The following CCL28 variants were observed in gnomAD, a reference collection of about 807,000 sequenced individuals.
The protein encoded by CCL28 is C-C motif chemokine 28.
A neutral mutation model predicts 7.1 loss-of-function variants in CCL28; 4 were observed. That is an observed-to-expected ratio of 0.56 (90% CI 0.28 to 1.29). CCL28 has a LOEUF of 1.29. Among genes scored for constraint, CCL28 ranks in the 50% most tolerant of loss-of-function variants. The pLI, the probability that CCL28 is intolerant of heterozygous loss-of-function variation, is 0.11. For missense variants in CCL28, 151 were observed against 163.4 expected, an observed-to-expected ratio of 0.92 and a Z score of 0.41; for synonymous variants, 55 against 57.8, an observed-to-expected ratio of 0.95 and a Z score of 0.22.
At chr5:43,387,679 G>C (rs1351359638) in intron 2 of CCL28, among the ~76,000 whole-genome samples, 1 of 152,180 alleles carries the variant, frequency 6.6e-6, no homozygotes, top group Non-Finnish European at 1.5e-5. Flanking sequence ...ACCCAGGTTG[G>C]AGTGCACTGG....
chr5:43,362,385 GGCCAAGACTATGGGGTTTTCTA>G, the CCL28 span, among the ~76,000 whole-genome samples: 1 of 151,920 alleles, frequency 6.6e-6, no homozygotes, highest in Non-Finnish European at 1.5e-5. Flanking sequence ...GAAGCTTTTG[GGCCAAGACTATGGGGTTTTCTA>G]GATATAGAAT....
At chr5:43,384,908 CTT>C (rs750994278) in intron 2 of CCL28, among the ~76,000 whole-genome samples, 17 of 143,284 alleles carry the variant, frequency 1.2e-4, no homozygotes, top group Admixed American at 1.4e-4. Context: ...ACATAAACAA[CTT>C]TTTTTTTTTT....
At chr5:43,358,908 C>A in the CCL28 span, among the ~76,000 whole-genome samples, 3 of 152,212 alleles carry the variant, frequency 2.0e-5, no homozygotes, top group Admixed American at 6.5e-5. Context: ...GCTTCACAGG[C>A]TGACTGTCCT....
At chr5:43,386,902 C>G (rs1021193688) in intron 2 of CCL28, among the ~76,000 whole-genome samples, 3 of 152,192 alleles carry the variant, frequency 2.0e-5, no homozygotes, top group Non-Finnish European at 4.4e-5. Context: ...AGACTCTAGG[C>G]AGACAGAACC....
intron 1 of CCL28, among the ~76,000 whole-genome samples, chr5:43,408,493 G>A (rs140145847): frequency 6.6e-6 from 1 of 152,216 alleles, no homozygotes; most frequent in African/African-American, 2.4e-5. Context: ...CTGTCGTAAG[G>A]TGGGGGGAGC....
At chr5:43,371,301 A>G in the CCL28 span, among the ~76,000 whole-genome samples, 1 of 152,112 alleles carries the variant, frequency 6.6e-6, no homozygotes, top group Admixed American at 6.5e-5. Flanking sequence ...CTTTATATTT[A>G]TAGAAACGTG....
chr5:43,394,489 T>G (rs1740718810), intron 1 of CCL28, among the ~76,000 whole-genome samples: 1 of 152,242 alleles, frequency 6.6e-6, no homozygotes. Flanking sequence ...AAGATCTTTA[T>G]GAAGAAAATG....
the CCL28 span, among the ~76,000 whole-genome samples, chr5:43,365,004 CTTT>C: frequency 8.9e-6 from 1 of 112,758 alleles, no homozygotes; most frequent in Non-Finnish European, 1.7e-5. Context: ...GGTCTTGACT[CTTT>C]TTTTTTTTTT....
intron 1 of CCL28, among the ~76,000 whole-genome samples, chr5:43,403,616 A>G (rs958723745): frequency 2.6e-5 from 4 of 152,234 alleles, no homozygotes; most frequent in African/African-American, 9.6e-5. Context: ...TCCTCCTCCA[A>G]AGGAACGCAG....
intron 1 of CCL28, among the ~76,000 whole-genome samples, chr5:43,394,838 T>A (rs181192638): frequency 7.7e-4 from 117 of 152,208 alleles, no homozygotes; most frequent in African/African-American, 2.3e-3. Context: ...TTTAAATTGC[T>A]GCGGTGGATT....
downstream of CCL28, among the ~76,000 whole-genome samples, chr5:43,371,784 G>A (rs1739791238): frequency 6.6e-6 from 1 of 152,174 alleles, no homozygotes; most frequent in Non-Finnish European, 1.5e-5. Context: ...CTAAGTTTTG[G>A]GGTAACTTAT....
At chr5:43,386,875 G>A (rs941286407) in intron 2 of CCL28, among the ~76,000 whole-genome samples, 1 of 152,122 alleles carries the variant, frequency 6.6e-6, no homozygotes, top group African/African-American at 2.4e-5. Context: ...AACCCAGCTG[G>A]ATAAAGAGTC....
chr5:43,396,757 AAAAG>A (rs201326504), intron 1 of CCL28, among the ~76,000 whole-genome samples: 25 of 152,128 alleles, frequency 1.6e-4, no homozygotes, highest in Admixed American at 2.6e-4. Context: ...GCACGAGAAA[AAAAG>A]AAAGAAAGAA....
intron 1 of CCL28, among the ~76,000 whole-genome samples, chr5:43,403,711 C>T (rs534804770): frequency 3.8e-4 from 58 of 152,210 alleles, no homozygotes; most frequent in African/African-American, 1.3e-3. Flanking sequence ...CAAACTACTC[C>T]GAGCTAAAGG....
intron 1 of CCL28, among the ~76,000 whole-genome samples, chr5:43,402,392 G>A (rs1385564726): frequency 2.0e-5 from 3 of 152,018 alleles, no homozygotes. Flanking sequence ...AATTGTTCTG[G>A]GAAGTTTAAA....
At chr5:43,364,618 T>A in the CCL28 span, among the ~76,000 whole-genome samples, 1 of 152,292 alleles carries the variant, frequency 6.6e-6, no homozygotes, top group East Asian at 1.9e-4. Context: ...AAAAAAATGT[T>A]AATTTATTGT....
At chr5:43,377,491 C>CA (rs541924162), downstream of CCL28, 11,513 of 101,996 alleles carry the variant, frequency 0.11, 1,597 homozygotes, top group African/African-American at 0.32. Flanking sequence ...GACTCTGTAT[C>CA]AAAAAAAAAA....
chr5:43,359,056 C>A, the CCL28 span, among the ~76,000 whole-genome samples: 2 of 152,142 alleles, frequency 1.3e-5, no homozygotes, highest in South Asian at 4.1e-4. Flanking sequence ...GTTTGTAAGA[C>A]TAATGAAAGG....
intron 1 of CCL28, among the ~76,000 whole-genome samples, chr5:43,409,663 C>T (rs1409985598): frequency 6.6e-6 from 1 of 152,078 alleles, no homozygotes; most frequent in Non-Finnish European, 1.5e-5. Flanking sequence ...ATTCAGTAGC[C>T]ATTGTACTCT....
Sources: gnomAD v4.1 joint callset for allele counts (sites outside exome capture counted in the v4.1 genomes callset) on GRCh38, gnomAD v4.1.1 for gene constraint, MANE v1.5 for transcripts, NCBI Gene and HGNC (gene_info 2026-07-23, HGNC 2026-07-21) for gene names.